The following KIAA1549 variants were observed in gnomAD, a reference collection of about 807,000 sequenced individuals.
KIAA1549 encodes UPF0606 protein KIAA1549.
Under a neutral mutation model 156.4 loss-of-function variants are expected in KIAA1549, and 70 were observed. The observed-to-expected ratio is 0.45, with a 90% confidence interval of 0.37 to 0.55. The LOEUF (loss-of-function observed/expected upper bound fraction) is 0.55, where lower values mean the gene tolerates loss of function less well. Ranked by LOEUF, KIAA1549 falls within the 20% of genes least tolerant of loss-of-function variation. The pLI is 0.00. For missense variants in KIAA1549, 2,428 were observed against 2,540.9 expected (o/e 0.96, Z 0.96); for synonymous variants, 1,103 against 1,066.4 (o/e 1.03, Z -0.67).
rs766287099 is a variant in KIAA1549 at position 138,918,884 on chromosome 7, T to G, written c.742A>C (p.Arg248=). The G allele has an allele frequency of 6.2e-7, 1 of 1,614,028 alleles. No individual in the cohort carries two copies. Among genetic ancestry groups the G allele is most frequent in the East Asian group, 2.2e-5 (1 of 44,872 alleles). ...TCAGTAGGATAAAGCACCAAATTCCTGCCAGGAGTTGGAACGATGCCCTCA... is the reference window on the plus strand; with the variant it reads ...TCAGTAGGATAAAGCACCAAATTCCGGCCAGGAGTTGGAACGATGCCCTCA... ...TSEGIVPTPG[R]NLVLYPTDAY... Residue 248 remains arginine, a synonymous_variant, in exon 2 of 20, where the codon AGG becomes CGG. Transcript: ENST00000422774. The surrounding 1 kb of genome is among the most constrained non-coding windows in gnomAD (Gnocchi z 4.2).
At chr7:138,885,055 C>T (rs986548636) in intron 10 of KIAA1549, among the ~76,000 whole-genome samples, 10 of 152,042 alleles carry the variant, frequency 6.6e-5, no homozygotes, top group African/African-American at 2.4e-4. Context: ...ATTAGACGGG[C>T]GTGGTGGCAC....
intron 1 of KIAA1549, among the ~76,000 whole-genome samples, chr7:138,925,762 G>A (rs900433905): frequency 1.4e-5 from 2 of 141,470 alleles, no homozygotes; most frequent in Admixed American, 7.3e-5. Flanking sequence ...CCCAGGAGAT[G>A]GAGGTTGCAG....
At chr7:138,969,747 C>T (rs1403963845) in intron 1 of KIAA1549, among the ~76,000 whole-genome samples, 6 of 152,070 alleles carry the variant, frequency 3.9e-5, no homozygotes, top group Non-Finnish European at 8.8e-5. Context: ...CCTGCACCAC[C>T]ATGCCTGACT....
At chr7:138,885,831 C>T (rs956506680) in intron 10 of KIAA1549, among the ~76,000 whole-genome samples, 1 of 152,146 alleles carries the variant, frequency 6.6e-6, no homozygotes, top group Non-Finnish European at 1.5e-5. Flanking sequence ...ATGGTGGGAA[C>T]CTCAACTTGA....
Position 138,898,542 on chromosome 7 carries a change from G to A in KIAA1549, c.3847+413C>T, listed in dbSNP as rs540593978. On this transcript the variant is annotated intron_variant, in intron 9 of 19. Coordinates refer to ENST00000422774, the MANE Select transcript of KIAA1549 (RefSeq NM_001164665.2). ...CCTGAAGGAAACCAATAAATTCAGG[G>A]TGCACCTCCCAGCTTCCTGCATGAC... is the stretch of plus-strand genomic sequence containing the variant. 4.2e-3 allele frequency among the ~76,000 whole-genome samples: 634 copies of A among 152,218 alleles called. 7 individuals are homozygous for A. The highest frequency in any genetic ancestry group is 6.1e-3 in the Non-Finnish European group (415 of 68,004).
chr7:138,842,291 G>A (rs1261851926), intron 18 of KIAA1549, among the ~76,000 whole-genome samples: 5 of 152,174 alleles, frequency 3.3e-5, no homozygotes, highest in African/African-American at 4.8e-5. Context: ...CCAGCAAGCC[G>A]GGGTTTGCAT....
intron 2 of KIAA1549, among the ~76,000 whole-genome samples, chr7:138,914,116 C>T (rs1271350236): frequency 2.0e-5 from 3 of 151,730 alleles, no homozygotes; most frequent in Non-Finnish European, 4.4e-5. Flanking sequence ...ACAGAAAATC[C>T]CTAAATAGGA....
chr7:138,851,225 T>G (rs945059807), intron 17 of KIAA1549, among the ~76,000 whole-genome samples: 1 of 152,206 alleles, frequency 6.6e-6, no homozygotes, highest in African/African-American at 2.4e-5. Context: ...GTTTTCTTTC[T>G]GCATGTCCTG....
chr7:138,871,337 A>C lies in KIAA1549; in HGVS notation c.4371T>G (p.Asn1457Lys), dbSNP rs1395532147. 4 of 1,563,968 alleles carry C rather than the reference A, an allele frequency of 2.6e-6. No homozygotes were observed. The highest frequency in any genetic ancestry group is 1.2e-5 in the South Asian group (1 of 82,902). Residue 1457 changes from asparagine (N) to lysine (K), a missense_variant, in exon 13 of 20, where the codon AAT becomes AAG. Physicochemically the swap from Asn to Lys is moderately conservative, Grantham distance 94 (BLOSUM62 0). Around this residue, in one of 5 missense-constraint regions of KIAA1549, gnomAD observed 404 missense variants for 417.0 expected, o/e 0.97. Transcript: ENST00000422774. ...AGATGGAGGCTGATGAGTGCTGCTC[A>C]TTTCCCGAACTGGGCAGTGGTGGCC... ...QSGPPLPSSG[N>K]EQHSSASIFE... is the part of the protein sequence containing the mutation.
chr7:138,851,962 T>C (rs905339744), intron 17 of KIAA1549, among the ~76,000 whole-genome samples: 19 of 152,216 alleles, frequency 1.2e-4, no homozygotes, highest in Admixed American at 1.2e-3. Context: ...CTGTTAACTC[T>C]GTGGGGTTTT....
chr7:138,868,006 C>T lies in KIAA1549; in HGVS notation c.4898G>A (p.Gly1633Asp), dbSNP rs756713328. The T allele has an allele frequency of 6.2e-7, 1 of 1,613,838 alleles. No homozygotes were observed. The highest frequency in any genetic ancestry group is 1.3e-5 in the African/African-American group (1 of 74,932). ...DSDGTYRRPP[G>D]VHNSAYIGCP... ...TCCGATGTAGGCTGAGTTGTGGACG[C>T]CGGGGGGCCTCCTGTAGGTGCCATC... The change falls in exon 15 of 20, where the codon GGC (glycine) becomes GAC (aspartate). Residue 1633 changes from glycine to aspartate, a missense_variant. Gly to Asp is a moderately conservative substitution (Grantham distance 94, BLOSUM62 -1). Coordinates refer to ENST00000422774, the MANE Select transcript of KIAA1549 (RefSeq NM_001164665.2).
At chr7:138,978,360 C>A (rs1814441197) in intron 1 of KIAA1549, among the ~76,000 whole-genome samples, 1 of 152,046 alleles carries the variant, frequency 6.6e-6, no homozygotes, top group South Asian at 2.1e-4. Flanking sequence ...AGAAACTGGG[C>A]ATGATTCTTT....
intron 1 of KIAA1549, among the ~76,000 whole-genome samples, chr7:138,926,170 C>T (rs141528249): frequency 2.8e-4 from 43 of 152,328 alleles, no homozygotes; most frequent in African/African-American, 9.9e-4. Context: ...GCTATGAAAT[C>T]TACTACAAAA....
At chr7:138,979,990 C>T (rs1814496972) in intron 1 of KIAA1549, among the ~76,000 whole-genome samples, 1 of 152,234 alleles carries the variant, frequency 6.6e-6, no homozygotes, top group Non-Finnish European at 1.5e-5. Context: ...ATTGTACCAT[C>T]CCCTCTAGGG....
rs576526078 is a variant in KIAA1549 at position 138,945,601 on chromosome 7, C to A, written c.188-26163G>T. 2.6e-4 allele frequency among the ~76,000 whole-genome samples: 39 copies of A among 152,354 alleles called. 1 individual carries two copies. The South Asian group carries it at 7.0e-3, about 27-fold the overall frequency. On this transcript the variant is annotated intron_variant, in intron 1 of 19. Transcript: ENST00000422774. ...TTGGCTCTCTGCACTCATATTTCATCTATCAATTTTATGTATTTAAAGCAT... is the reference window on the plus strand; with the variant it reads ...TTGGCTCTCTGCACTCATATTTCATATATCAATTTTATGTATTTAAAGCAT...
At chr7:138,906,443 C>T (rs1349447339) in intron 6 of KIAA1549, among the ~76,000 whole-genome samples, 3 of 152,156 alleles carry the variant, frequency 2.0e-5, no homozygotes, top group Non-Finnish European at 4.4e-5. Flanking sequence ...TGTGCGGAAG[C>T]AGGAGGTATA....
intron 12 of KIAA1549, among the ~76,000 whole-genome samples, chr7:138,873,742 C>A (rs991493961): frequency 2.6e-5 from 4 of 151,834 alleles, no homozygotes; most frequent in African/African-American, 9.7e-5. Flanking sequence ...GCTTCACCCT[C>A]GCTGAACTGT....
At position 138,835,597 on chromosome 7, in the gene KIAA1549, T is replaced by C. The variant is rs1428479404; in HGVS notation, c.*2309A>G. The C allele has an allele frequency of 4.5e-6, 1 of 223,610 alleles. No individual in the cohort carries two copies. Among genetic ancestry groups the C allele is most frequent in the Non-Finnish European group, 8.9e-6 (1 of 112,204 alleles). The allele number at this position is 223,610 out of a possible 1,614,324, so 13.9% of individuals were successfully genotyped here. ...GGGTGAGAAGGGGCCATTTATCCCG[T>C]TTGCTGTCACACGATTTGAATTCAT... is the stretch of plus-strand genomic sequence containing the variant. On this transcript the variant is annotated 3_prime_UTR_variant, in exon 20 of 20. Coordinates refer to ENST00000422774, the MANE Select transcript of KIAA1549 (RefSeq NM_001164665.2).
chr7:138,922,805 C>T (rs1298346572), intron 1 of KIAA1549, among the ~76,000 whole-genome samples: 1 of 151,210 alleles, frequency 6.6e-6, no homozygotes, highest in Non-Finnish European at 1.5e-5. Flanking sequence ...TAAGACAGTC[C>T]AACATACATT....
Sources: gnomAD v4.1 joint callset for allele counts (sites outside exome capture counted in the v4.1 genomes callset) on GRCh38, gnomAD v4.1.1 for gene constraint, gnomAD v4.1.1 regional missense constraint, Gnocchi (gnomAD v3.1) non-coding constraint, MANE v1.5 for transcripts, NCBI Gene and HGNC (gene_info 2026-07-23, HGNC 2026-07-21) for gene names.